The following AGO3 variants were observed in gnomAD, a reference collection of about 807,000 sequenced individuals.
AGO3 encodes the protein argonaute RISC catalytic component 3.
A neutral mutation model predicts 105.5 loss-of-function variants in AGO3; 16 were observed. That is an observed-to-expected ratio of 0.15 (90% CI 0.10 to 0.23). The LOEUF is 0.23. Ranked by LOEUF, AGO3 falls within the 10% of genes least tolerant of loss-of-function variation. AGO3 has a pLI of 1.00. For missense variants in AGO3, 534 were observed against 1,088.0 expected (o/e 0.49, Z 7.16); for synonymous variants, 340 against 367.3 (o/e 0.93, Z 0.85).
At position 36,027,361 on chromosome 1, in the gene AGO3, A is replaced by C. The variant is rs1641550836; in HGVS notation, c.1591+63A>C. Reference sequence around the variant, plus strand: ...TTGATGTCCTTTTAGGATTATACTGAAACATATCCTAAAACTTTCAAATAT... The same window carrying C: ...TTGATGTCCTTTTAGGATTATACTGCAACATATCCTAAAACTTTCAAATAT... On this transcript the variant is annotated intron_variant, in intron 12 of 18. Transcript: ENST00000373191. This position sits in a 1 kb window ranked among gnomAD's most constrained non-coding sequence, Gnocchi z 4.0. The C allele has an allele frequency of 7.2e-7, 1 of 1,381,620 alleles. No individual in the cohort carries two copies. The highest frequency in any genetic ancestry group is 9.7e-7 in the Non-Finnish European group (1 of 1,028,864). The allele number at this position is 1,381,620 out of a possible 1,614,324, so 85.6% of individuals were successfully genotyped here. A position where few individuals can be genotyped will look rare whatever the true frequency, so the allele number is the denominator to read the frequency against.
chr1:35,995,714 A>G (rs541287203), intron 5 of AGO3, among the ~76,000 whole-genome samples: 236 of 152,224 alleles, frequency 1.6e-3, no homozygotes, highest in African/African-American at 5.6e-3. Flanking sequence ...GGATCTCCCT[A>G]TCACCCGGAC....
At position 35,931,337 on chromosome 1, in the gene AGO3, T is replaced by TCGCGTCGCGC; in HGVS notation, c.-81_-72dup. ...CCTCGGGGCCGAGTGAGAGTGCCCG[T>TCGCGTCGCGC]CGCGTCGCGCCGCGTCGCCCCCCGG... On this transcript the variant is annotated 5_prime_UTR_variant, in exon 1 of 19. Transcript: ENST00000373191. The TCGCGTCGCGC allele has an allele frequency of 1.0e-5, 13 of 1,251,914 alleles. No individual in the cohort carries two copies. Among genetic ancestry groups the TCGCGTCGCGC allele is most frequent in the East Asian group, 3.1e-5 (1 of 32,476 alleles). The allele number at this position is 1,251,914 out of a possible 1,614,324, so 77.6% of individuals were successfully genotyped here.
rs1470002746 is a variant in AGO3, at chr1:36,039,865, ATCCAGGAC to A, written c.1920_1927del (p.Gln641GlyfsTer13). The A allele has an allele frequency of 6.2e-7, 1 of 1,613,848 alleles. No individual in the cohort carries two copies. Reference sequence around the variant, plus strand: ...AGTTCAGAGACCCCGACAGGAGATCATCCAGGACTTGGCCTCCATGGTCCGGGAACTTC... The same window carrying A: ...AGTTCAGAGACCCCGACAGGAGATCATTGGCCTCCATGGTCCGGGAACTTC... On this transcript the variant is annotated frameshift_variant, in exon 15 of 19. Coordinates refer to ENST00000373191, the MANE Select transcript of AGO3 (RefSeq NM_024852.4). LOFTEE classifies it high-confidence loss of function.
At position 36,062,854 on chromosome 1, in the gene AGO3, G is replaced by C. The variant is rs1643042135; in HGVS notation, c.*7109G>C. On this transcript the variant is annotated 3_prime_UTR_variant, in exon 19 of 19. Coordinates refer to ENST00000373191, the MANE Select transcript of AGO3 (RefSeq NM_024852.4). ...ATATTGTTTGGAGTGTACTGTGTCTGTTTGCAAATATACATGCACATTAAA... is the reference window on the plus strand; with the variant it reads ...ATATTGTTTGGAGTGTACTGTGTCTCTTTGCAAATATACATGCACATTAAA... The C allele has an allele frequency of 6.6e-6, 1 of 152,098 alleles. No individual in the cohort carries two copies. The highest frequency in any genetic ancestry group is 1.5e-5 in the Non-Finnish European group (1 of 68,016). 9.4% of individuals were successfully genotyped at this position (152,098 alleles called of 1,614,324 possible). A position where few individuals can be genotyped will look rare whatever the true frequency, so the allele number is the denominator to read the frequency against.
intron 9 of AGO3, among the ~76,000 whole-genome samples, chr1:36,010,794 T>G (rs902148269): frequency 9.9e-5 from 15 of 151,092 alleles, no homozygotes; most frequent in Non-Finnish European, 2.1e-4. Context: ...TAATCCCAGC[T>G]ACTCAGGAGG....
At position 36,027,981 on chromosome 1, in the gene AGO3, T is replaced by G. The variant is rs1641584974; in HGVS notation, c.1591+683T>G. On this transcript the variant is annotated intron_variant, in intron 12 of 18. Coordinates refer to ENST00000373191, the MANE Select transcript of AGO3 (RefSeq NM_024852.4). The surrounding 1 kb of genome is among the most constrained non-coding windows in gnomAD (Gnocchi z 4.0). Reference sequence around the variant, plus strand: ...TACTACCTGTGTGATTTGGCTGAATTACTTAATCACACTAGCCCTTAGTTT... The same window carrying G: ...TACTACCTGTGTGATTTGGCTGAATGACTTAATCACACTAGCCCTTAGTTT... Among the ~76,000 whole-genome samples, 1 of 152,166 alleles carries G rather than the reference T, an allele frequency of 6.6e-6. No homozygotes were observed. The highest frequency in any genetic ancestry group is 1.5e-5 in the Non-Finnish European group (1 of 68,034).
intron 2 of AGO3, 134 bp from the exon 3 acceptor site, chr1:35,966,821 A>G (rs2148769858): frequency 2.8e-6 from 3 of 1,084,038 alleles, no homozygotes; most frequent in Non-Finnish European, 3.7e-6. Context: ...AGATTCTAAA[A>G]GCAAAATCTT....
chr1:35,970,584 A>G (rs974231695), intron 3 of AGO3, among the ~76,000 whole-genome samples: 1 of 152,186 alleles, frequency 6.6e-6, no homozygotes, highest in African/African-American at 2.4e-5. Context: ...TATTGTCAGT[A>G]TACATACTGT....
intron 5 of AGO3, among the ~76,000 whole-genome samples, chr1:35,976,438 A>G (rs1646958189): frequency 6.6e-6 from 1 of 152,098 alleles, no homozygotes; most frequent in Non-Finnish European, 1.5e-5. Flanking sequence ...ATCACCTGCA[A>G]CTAGTGATAA....
chr1:36,013,996 TG>T lies in AGO3; in HGVS notation c.1357del (p.Ala453LeufsTer16). 1 of 1,614,124 alleles carries T rather than the reference TG, an allele frequency of 6.2e-7. No homozygotes were observed. The highest frequency in any genetic ancestry group is 8.5e-7 in the Non-Finnish European group (1 of 1,180,018). ...QFHTGVEIKM[W>X]AIACFATQRQ... ...CCACACAGGAGTTGAAATCAAAATG[TG>T]GGCTATCGCTTGTTTTGCCACACAG... On this transcript the variant is annotated frameshift_variant, in exon 11 of 19. Transcript: ENST00000373191. LOFTEE classifies it high-confidence loss of function.
At chr1:35,944,544 CTT>C (rs761797350) in intron 1 of AGO3, among the ~76,000 whole-genome samples, 3 of 105,478 alleles carry the variant, frequency 2.8e-5, no homozygotes, top group Admixed American at 1.9e-4. Context: ...ATTTTATTTA[CTT>C]TTTTTTTTTT....
At position 36,066,715 on chromosome 1, in the gene AGO3, T is replaced by C. The variant is rs491603; in HGVS notation, c.*10970T>C. 0.67 allele frequency: 102,094 copies of C among 152,056 alleles called. 36,920 individuals are homozygous for C. The highest frequency in any genetic ancestry group is 0.83 in the Non-Finnish European group (56,660 of 67,980). The allele number at this position is 152,056 out of a possible 1,614,324, so 9.4% of individuals were successfully genotyped here. A position where few individuals can be genotyped will look rare whatever the true frequency, so the allele number is the denominator to read the frequency against. On this transcript the variant is annotated 3_prime_UTR_variant, in exon 19 of 19. Coordinates refer to ENST00000373191, the MANE Select transcript of AGO3 (RefSeq NM_024852.4). ...TTTTTAGAACCAAAGAAGGAAAGAC[T>C]GCAAAAATGTTGCATACGTGACTCT...
intron 2 of AGO3, among the ~76,000 whole-genome samples, chr1:35,954,784 C>T (rs1646534826): frequency 6.6e-6 from 1 of 152,102 alleles, no homozygotes. Context: ...TGATTCCTGC[C>T]TTTGGGTAAG....
At chr1:35,999,920 TC>T (rs1044460545) in intron 5 of AGO3, among the ~76,000 whole-genome samples, 4 of 152,094 alleles carry the variant, frequency 2.6e-5, no homozygotes, top group African/African-American at 9.7e-5. Flanking sequence ...GTTTTTTTTT[TC>T]TTTTTTATGT....
chr1:36,071,899 G>A lies in AGO3; in HGVS notation c.*16154G>A, dbSNP rs184430380. Reference sequence around the variant, plus strand: ...AGTCTATGATATATATGTAGTCATTGTATAATTAGAAACACCAAATGCTGA... The same window carrying A: ...AGTCTATGATATATATGTAGTCATTATATAATTAGAAACACCAAATGCTGA... On this transcript the variant is annotated 3_prime_UTR_variant, in exon 19 of 19. Coordinates refer to ENST00000373191, the MANE Select transcript of AGO3 (RefSeq NM_024852.4). 2 of 152,282 alleles carry A rather than the reference G, an allele frequency of 1.3e-5. No individual in the cohort carries two copies. Among genetic ancestry groups the A allele is most frequent in the Admixed American group, 6.5e-5 (1 of 15,284 alleles). The allele number at this position is 152,282 out of a possible 1,614,324, so 9.4% of individuals were successfully genotyped here. A position where few individuals can be genotyped will look rare whatever the true frequency, so the allele number is the denominator to read the frequency against.
chr1:36,044,568 CTG>C (rs1004580392), intron 17 of AGO3, among the ~76,000 whole-genome samples: 1 of 151,908 alleles, frequency 6.6e-6, no homozygotes, highest in Non-Finnish European at 1.5e-5. Context: ...GGATTACAGA[CTG>C]AGATTACTGG....
At chr1:36,014,832 A>G (rs1219469242) in intron 11 of AGO3, among the ~76,000 whole-genome samples, 3 of 152,092 alleles carry the variant, frequency 2.0e-5, no homozygotes, top group Admixed American at 6.6e-5. Context: ...GTCATAGTAA[A>G]TTCCTTGATT....
Position 36,058,626 on chromosome 1 carries a change from G to A in AGO3, c.*2881G>A, listed in dbSNP as rs1190154713. Reference sequence around the variant, plus strand: ...TTTTGAGCCTAAAATCTGAGCCCATGTCCTCTGACAGGCATGAAATCTTTT... The same window carrying A: ...TTTTGAGCCTAAAATCTGAGCCCATATCCTCTGACAGGCATGAAATCTTTT... On this transcript the variant is annotated 3_prime_UTR_variant, in exon 19 of 19. Coordinates refer to ENST00000373191, the MANE Select transcript of AGO3 (RefSeq NM_024852.4). 6.6e-6 allele frequency: 1 copy of A among 152,112 alleles called. No individual in the cohort carries two copies. Among genetic ancestry groups the A allele is most frequent in the Non-Finnish European group, 1.5e-5 (1 of 68,018 alleles). 9.4% of individuals were successfully genotyped at this position (152,112 alleles called of 1,614,324 possible).
intron 1 of AGO3, among the ~76,000 whole-genome samples, chr1:35,933,025 A>G (rs939800964): frequency 1.3e-5 from 2 of 152,214 alleles, no homozygotes; most frequent in Non-Finnish European, 2.9e-5. Flanking sequence ...CAACTGGTAC[A>G]ACTAAGCCAA....
Sources: gnomAD v4.1 joint callset for allele counts (sites outside exome capture counted in the v4.1 genomes callset) on GRCh38, gnomAD v4.1.1 for gene constraint, Gnocchi (gnomAD v3.1) non-coding constraint, MANE v1.5 for transcripts, NCBI Gene and HGNC (gene_info 2026-07-23, HGNC 2026-07-21) for gene names.